MUC4: variants seen among roughly 807,000 people sequenced by gnomAD.
MUC4 encodes the protein mucin-4.
Under a neutral mutation model 257.9 loss-of-function variants are expected in MUC4, and 202 were observed. The observed-to-expected ratio is 0.78, with a 90% CI of 0.70 to 0.88. The LOEUF (loss-of-function observed/expected upper bound fraction) is 0.88. MUC4 is among the 40% of genes least tolerant of loss of function. MUC4 has a pLI of 0.00. For synonymous variants in MUC4, 2,351 were observed against 2,757.1 expected (o/e 0.85, Z 4.62); for missense variants, 5,976 against 6,513.7 (o/e 0.92, Z 2.84).
intron 3 of MUC4, 55 bp downstream of exon 3, chr3:195,778,248 A>G (rs761648418): frequency 1.3e-6 from 2 of 1,522,102 alleles, no homozygotes; most frequent in Non-Finnish European, 1.8e-6. Flanking sequence ...GCTGAGAGGG[A>G]GCCTTCAGTT....
At chr3:195,775,448 T>A in intron 3 of MUC4, among the ~76,000 whole-genome samples, 1 of 114,690 alleles carries the variant, frequency 8.7e-6, no homozygotes, top group African/African-American at 3.1e-5. Context: ...ACCCATACCT[T>A]CCACACCCAT....
chr3:195,802,446 G>A (rs978232054), intron 1 of MUC4, among the ~76,000 whole-genome samples: 6 of 152,238 alleles, frequency 3.9e-5, no homozygotes, highest in African/African-American at 1.4e-4. Context: ...AGGGCCAGGA[G>A]GGAGGGTTGC....
At chr3:195,792,146 TTAAAC>T (rs1487435957) in intron 1 of MUC4, among the ~76,000 whole-genome samples, 4 of 152,252 alleles carry the variant, frequency 2.6e-5, no homozygotes, top group Non-Finnish European at 4.4e-5. Context: ...TGGGATCTAA[TTAAAC>T]TAAAGAGCTC....
rs539328231 is a variant in MUC4, at chr3:195,788,979, G to A, written c.2601C>T (p.Ile867=). The A allele has an allele frequency of 1.1e-5, 18 of 1,613,636 alleles. No homozygotes were observed. Among genetic ancestry groups the A allele is most frequent in the African/African-American group, 4.0e-5 (3 of 74,884 alleles). The part of the protein sequence containing the change: ...IPVSTGMASS[I]VPGTFHPTLS... ...GGGTGGGATGAAAGGTGCCGGGGACGATCGAAGACGCCATTCCTGTGCTTA... is the reference window on the plus strand; with the variant it reads ...GGGTGGGATGAAAGGTGCCGGGGACAATCGAAGACGCCATTCCTGTGCTTA... The change falls in exon 2 of 25, where the codon ATC becomes ATT. Residue 867 remains isoleucine (I), a synonymous_variant. Transcript: ENST00000463781.
At chr3:195,758,983 G>A (rs73205723) in intron 17 of MUC4, 141 bp downstream of exon 17, 13,160 of 1,208,660 alleles carry the variant, frequency 0.011, 122 homozygotes, top group Middle Eastern at 0.014. Flanking sequence ...ATCGCTCCTC[G>A]GAAATGCCGG....
chr3:195,763,818 A>T (rs1719778465), intron 11 of MUC4, among the ~76,000 whole-genome samples, 177 bp from the exon 12 acceptor site: 2 of 152,090 alleles, frequency 1.3e-5, no homozygotes, highest in Non-Finnish European at 2.9e-5. Context: ...CAGAGCACAG[A>T]ATCCTCCCCT....
At position 195,785,354 on chromosome 3, in the gene MUC4, C is replaced by G. The variant is rs770989664; in HGVS notation, c.6226G>C (p.Gly2076Arg). Reference protein sequence around the residue: ...PVTNPSSASTGHATPLLVTDA... With the variant: ...PVTNPSSASTRHATPLLVTDA... Reference sequence around the variant, plus strand: ...GTGACAAGAAGAGGGGTGGCGTGACCTGTGGATGCTGAGGAAGGGTTAGTG... The same window carrying G: ...GTGACAAGAAGAGGGGTGGCGTGACGTGTGGATGCTGAGGAAGGGTTAGTG... Residue 2076 changes from glycine to arginine, a missense_variant, in exon 2 of 25, where the codon GGT becomes CGT. Transcript: ENST00000463781. 6.6e-7 allele frequency: 1 copy of G among 1,518,138 alleles called. No individual in the cohort carries two copies. The highest frequency in any genetic ancestry group is 8.9e-7 in the Non-Finnish European group (1 of 1,126,152). The allele number at this position is 1,518,138 out of a possible 1,614,324, so 94.0% of individuals were successfully genotyped here. A position where few individuals can be genotyped will look rare whatever the true frequency, so the allele number is the denominator to read the frequency against.
chr3:195,767,635 A>G (rs1302282646), intron 7 of MUC4, among the ~76,000 whole-genome samples: 1 of 121,448 alleles, frequency 8.2e-6, no homozygotes, highest in Non-Finnish European at 1.6e-5. Context: ...CACCATCACC[A>G]CCACCATCGC....
At position 195,811,771 on chromosome 3, in the gene MUC4, C is replaced by T; in HGVS notation, c.47G>A (p.Cys16Tyr). The T allele has an allele frequency of 6.2e-7, 1 of 1,614,080 alleles. No homozygotes were observed. The highest frequency in any genetic ancestry group is 1.3e-5 in the African/African-American group (1 of 75,046). The change falls in exon 1 of 25, where the codon TGC becomes TAC. Residue 16 changes from cysteine (C) to tyrosine (Y), a missense_variant. Physicochemically the swap from Cys to Tyr is radical, Grantham distance 194. Coordinates refer to ENST00000463781, the MANE Select transcript of MUC4 (RefSeq NM_018406.7). ...WRRVPWVSLSCLCLCLLPHVV... is the reference protein window; with the variant it reads ...WRRVPWVSLSYLCLCLLPHVV... ...ATGCGGAAGGAGGCAGAGACACAGGCAGCTCAGGGACACCCAGGGGACCCT... is the reference window on the plus strand; with the variant it reads ...ATGCGGAAGGAGGCAGAGACACAGGTAGCTCAGGGACACCCAGGGGACCCT...
In MUC4 at chr3:195,746,915, C is replaced by G. The variant is rs55923552; in HGVS notation, c.*261G>C. The G allele has an allele frequency of 6.8e-6, 4 of 587,622 alleles. No homozygotes were observed. The highest frequency in any genetic ancestry group is 4.4e-4 in the Middle Eastern group (1 of 2,260). The allele number at this position is 587,622 out of a possible 1,614,324, so 36.4% of individuals were successfully genotyped here. ...GTGTGTGTGTGTGTGTGCACGCGCGCGTGCACAGGCTAGTGTCCTTCTGTG... is the reference window on the plus strand; with the variant it reads ...GTGTGTGTGTGTGTGTGCACGCGCGGGTGCACAGGCTAGTGTCCTTCTGTG... On this transcript the variant is annotated 3_prime_UTR_variant, in exon 25 of 25. Transcript: ENST00000463781.
chr3:195,754,608 T>C (rs1409502462), intron 18 of MUC4, among the ~76,000 whole-genome samples: 1 of 152,254 alleles, frequency 6.6e-6, no homozygotes, highest in Non-Finnish European at 1.5e-5. Flanking sequence ...CCTGACCCCC[T>C]GCCTGGCCCT....
chr3:195,747,101 C>T lies in MUC4; in HGVS notation c.*75G>A. The T allele has an allele frequency of 6.3e-7, 1 of 1,580,152 alleles. No homozygotes were observed. The highest frequency in any genetic ancestry group is 1.1e-5 in the South Asian group (1 of 89,292). ...CAGTCACCTTCCCTTTTCCAGTCTC[C>T]CAAAAGCAATGGCGCCTTAAATGTG... On this transcript the variant is annotated 3_prime_UTR_variant, in exon 25 of 25. Transcript: ENST00000463781.
Position 195,789,972 on chromosome 3 carries a change from G to C in MUC4, c.1608C>G (p.Val536=). Reference sequence around the variant, plus strand: ...GCTCTCCTGGTTCCCCTATTGCTGAGACCTTAGAGGGGACCCTTGGAATAG... The same window carrying C: ...GCTCTCCTGGTTCCCCTATTGCTGACACCTTAGAGGGGACCCTTGGAATAG... ...AGTIPRVPSK[V]SAIGEPGEPT... is the part of the protein sequence containing the mutation. Residue 536 remains valine (V), a synonymous_variant, in exon 2 of 25, where the codon GTC becomes GTG. Transcript: ENST00000463781. The C allele has an allele frequency of 2.5e-6, 4 of 1,613,940 alleles. No individual in the cohort carries two copies. The South Asian group carries it at 4.4e-5, about 18-fold the overall frequency.
At position 195,764,057 on chromosome 3, in the gene MUC4, GC is replaced by G; in HGVS notation, c.14031del (p.Arg4677SerfsTer95). On this transcript the variant is annotated frameshift_variant, in exon 11 of 25. Coordinates refer to ENST00000463781, the MANE Select transcript of MUC4 (RefSeq NM_018406.7). LOFTEE classifies it high-confidence loss of function. ...RRPHVGCATY[R>X]PPQPAWMFGD... ...CCCTGTCGCTCACCGGGCTGTGGGG[GC>G]CTGTATGTAGCACAGCCCACGTGGG... The G allele has an allele frequency of 1.9e-6, 3 of 1,610,688 alleles. No homozygotes were observed. Among genetic ancestry groups the G allele is most frequent in the Non-Finnish European group, 2.5e-6 (3 of 1,179,076 alleles).
chr3:195,763,268 C>A (rs1224100577), intron 12 of MUC4, among the ~76,000 whole-genome samples, 165 bp downstream of exon 12: 2 of 152,272 alleles, frequency 1.3e-5, no homozygotes. Flanking sequence ...CCCTAATCCA[C>A]CATCCCCAGG....
At position 195,747,278 on chromosome 3, in the gene MUC4, G is replaced by A. The variant is rs1294466719; in HGVS notation, c.16137C>T (p.Gly5379=). ...FFGIFFGALG[G]LLLLGVGTFV... Reference sequence around the variant, plus strand: ...ACGTCCCGACCCCCAGCAGCAAGAGGCCGCCCAGGGCCCCAAAGAAGATGC... The same window carrying A: ...ACGTCCCGACCCCCAGCAGCAAGAGACCGCCCAGGGCCCCAAAGAAGATGC... Residue 5379 remains glycine, a synonymous_variant, in exon 25 of 25, where the codon GGC becomes GGT. Transcript: ENST00000463781. 1.9e-6 allele frequency: 3 copies of A among 1,614,110 alleles called. No individual in the cohort carries two copies. The highest frequency in any genetic ancestry group is 2.5e-6 in the Non-Finnish European group (3 of 1,180,026).
intron 14 of MUC4, 25 bp from the exon 15 acceptor site, chr3:195,761,610 C>A: frequency 1.3e-6 from 2 of 1,570,586 alleles, no homozygotes; most frequent in South Asian, 2.2e-5. Flanking sequence ...GGGAGGTTGG[C>A]CACCCTGGGC....
chr3:195,790,608 G>T lies in MUC4; in HGVS notation c.972C>A (p.Asn324Lys). ...TGGTCTCCACGCTCTGAGTCTGGTG[G>T]TTCTTAGAAAAAGCTGTTGTGTCCT... ...STQDTTAFSKNHQTQSVETTR... is the reference protein window; with the variant it reads ...STQDTTAFSKKHQTQSVETTR... The change falls in exon 2 of 25, where the codon AAC (asparagine) becomes AAA (lysine). Residue 324 changes from asparagine (N) to lysine (K), a missense_variant. Physicochemically the swap from Asn to Lys is moderately conservative, Grantham distance 94. Coordinates refer to ENST00000463781, the MANE Select transcript of MUC4 (RefSeq NM_018406.7). The T allele has an allele frequency of 6.2e-7, 1 of 1,614,052 alleles. No individual in the cohort carries two copies. Among genetic ancestry groups the T allele is most frequent in the Non-Finnish European group, 8.5e-7 (1 of 1,179,896 alleles).
chr3:195,767,636 C>CAT (rs1721306480), intron 7 of MUC4, among the ~76,000 whole-genome samples: 1 of 119,228 alleles, frequency 8.4e-6, no homozygotes, highest in Non-Finnish European at 1.7e-5. Context: ...ACCATCACCA[C>CAT]CACCATCGCC....
Sources: allele counts gnomAD v4.1 joint callset (sites outside exome capture counted in the v4.1 genomes callset), GRCh38; gene constraint gnomAD v4.1.1; transcripts MANE v1.5; gene names NCBI Gene and HGNC (gene_info 2026-07-23, HGNC 2026-07-21).